MACROD2: variants seen among roughly 807,000 people sequenced by gnomAD.
The protein encoded by MACROD2 is mono-ADP ribosylhydrolase 2, also known as ADP-ribose glycohydrolase MACROD2.
A neutral mutation model predicts 70.4 loss-of-function variants in MACROD2; 36 were observed. That is an observed-to-expected ratio of 0.51 (90% CI 0.39 to 0.68). MACROD2 has a LOEUF of 0.68. MACROD2 is among the 30% of genes least tolerant of loss of function. The probability of loss-of-function intolerance (pLI) is 0.00; values close to 1 mark genes in which losing one functional copy is unlikely to be tolerated. For synonymous variants in MACROD2, 172 were observed against 178.8 expected, an observed-to-expected ratio of 0.96 and a Z score of 0.30; for missense variants, 496 against 538.4, an observed-to-expected ratio of 0.92 and a Z score of 0.78.
intron 5 of MACROD2, among the ~76,000 whole-genome samples, chr20:14,809,316 A>G (rs528474118): frequency 3.0e-4 from 46 of 152,268 alleles, no homozygotes; most frequent in Non-Finnish European, 4.1e-4. Flanking sequence ...AAACTGAACA[A>G]TCTGCTTCTG....
At chr20:14,178,367 A>T (rs1569193044) in intron 3 of MACROD2, among the ~76,000 whole-genome samples, 1 of 143,678 alleles carries the variant, frequency 7.0e-6, no homozygotes, top group African/African-American at 2.6e-5. Flanking sequence ...TTTAAAAATG[A>T]GGAACATATC....
chr20:14,418,305 T>C (rs1439295087), intron 3 of MACROD2, among the ~76,000 whole-genome samples: 1 of 152,202 alleles, frequency 6.6e-6, no homozygotes, highest in South Asian at 2.1e-4. Context: ...AAACTAATGA[T>C]GAAACTAAGA....
At chr20:15,099,164 G>GA (rs942734093) in intron 5 of MACROD2, among the ~76,000 whole-genome samples, 1 of 152,096 alleles carries the variant, frequency 6.6e-6, no homozygotes, top group Non-Finnish European at 1.5e-5. Flanking sequence ...TTGACTGGAG[G>GA]AAAAAATGTT....
chr20:14,487,664 T>C (rs892166274), intron 3 of MACROD2, among the ~76,000 whole-genome samples: 2 of 152,202 alleles, frequency 1.3e-5, no homozygotes, highest in Non-Finnish European at 2.9e-5. Context: ...GTGTCAGGAA[T>C]CATGCATTGT....
chr20:14,641,717 T>A (rs1487713772), intron 4 of MACROD2, among the ~76,000 whole-genome samples: 4 of 152,198 alleles, frequency 2.6e-5, no homozygotes, highest in Admixed American at 6.6e-5. Context: ...AAAATCTTTT[T>A]TTCTGAGCAG....
chr20:15,839,692 A>G (rs891107880), intron 8 of MACROD2, among the ~76,000 whole-genome samples: 8 of 152,180 alleles, frequency 5.3e-5, no homozygotes, highest in Non-Finnish European at 8.8e-5. Flanking sequence ...TATAAGAAGT[A>G]TAATGAAAAT....
At position 14,215,212 on chromosome 20, in the gene MACROD2, A is replaced by T. The variant is rs1363509308; in HGVS notation, c.271+129484A>T. ...TATTCCATCATATATATATTCCATCATATATATATTTTCCATCATATATAT... is the reference window on the plus strand; with the variant it reads ...TATTCCATCATATATATATTCCATCTTATATATATTTTCCATCATATATAT... On this transcript the variant is annotated intron_variant, in intron 3 of 17. Transcript: ENST00000684519. Among the ~76,000 whole-genome samples the T allele has an allele frequency of 2.7e-5, 4 of 150,246 alleles. No homozygotes were observed. In the Admixed American group the frequency reaches 2.7e-4, roughly 10 times the overall value.
chr20:14,683,633 C>G (rs1244154343), intron 4 of MACROD2, among the ~76,000 whole-genome samples: 3 of 152,128 alleles, frequency 2.0e-5, no homozygotes, highest in African/African-American at 7.2e-5. Flanking sequence ...GCAGTGGCAG[C>G]AGAAGTCAAC....
chr20:14,600,702 C>T (rs923854433), intron 4 of MACROD2, among the ~76,000 whole-genome samples: 4 of 152,150 alleles, frequency 2.6e-5, no homozygotes, highest in African/African-American at 9.7e-5. Context: ...AGAGCCAAGG[C>T]ACCTAAACGT....
In MACROD2 at chr20:14,410,753, T is replaced by G. The variant is rs140267521; in HGVS notation, c.272-82726T>G. Among the ~76,000 whole-genome samples, 311 of 152,334 alleles carry G rather than the reference T, an allele frequency of 2.0e-3. 2 individuals carry two copies. The highest frequency in any genetic ancestry group is 7.4e-3 in the African/African-American group (308 of 41,586). ...GCTCCAGTTGTTGATAAATGTAAAC[T>G]GTTTAATAATAAACACTTTATTATC... On this transcript the variant is annotated intron_variant, in intron 3 of 17. Coordinates refer to ENST00000684519, the MANE Select transcript of MACROD2 (RefSeq NM_001351661.2).
chr20:15,445,315 A>G (rs958247340), intron 7 of MACROD2, among the ~76,000 whole-genome samples: 3 of 152,176 alleles, frequency 2.0e-5, no homozygotes, highest in Non-Finnish European at 4.4e-5. Flanking sequence ...ATCATACCAC[A>G]CTTTATACAT....
chr20:14,885,290 A>T (rs1411949537), intron 5 of MACROD2, among the ~76,000 whole-genome samples: 3 of 152,146 alleles, frequency 2.0e-5, no homozygotes, highest in African/African-American at 7.2e-5. Flanking sequence ...CCACCCTAGA[A>T]ATACATGTAA....
intron 4 of MACROD2, among the ~76,000 whole-genome samples, chr20:14,545,129 AGGG>A (rs2085477867): frequency 6.6e-6 from 1 of 152,194 alleles, no homozygotes; most frequent in Non-Finnish European, 1.5e-5. Flanking sequence ...GATTAAATGT[AGGG>A]AGAAGCCTGT....
chr20:15,624,971 T>C (rs576256705), intron 8 of MACROD2, among the ~76,000 whole-genome samples: 1 of 152,330 alleles, frequency 6.6e-6, no homozygotes, highest in South Asian at 2.1e-4. Flanking sequence ...GAAGTCTTTT[T>C]GGTATGGTTC....
intron 6 of MACROD2, among the ~76,000 whole-genome samples, chr20:15,317,010 A>G (rs539420033): frequency 1.4e-4 from 21 of 152,220 alleles, no homozygotes; most frequent in African/African-American, 5.1e-4. Context: ...CTAAACATGA[A>G]TGAAAATAAA....
At chr20:14,981,525 A>G (rs1333456928) in intron 5 of MACROD2, among the ~76,000 whole-genome samples, 1 of 151,164 alleles carries the variant, frequency 6.6e-6, no homozygotes, top group Non-Finnish European at 1.5e-5. Context: ...CTCAAATCTC[A>G]TTTTAAATTC....
At chr20:15,699,580 A>G (rs1176733997) in intron 8 of MACROD2, among the ~76,000 whole-genome samples, 1 of 152,078 alleles carries the variant, frequency 6.6e-6, no homozygotes, top group African/African-American at 2.4e-5. Flanking sequence ...CTTTCCAGAA[A>G]GCATCAGAGC....
At chr20:14,540,933 T>C (rs140601779) in intron 4 of MACROD2, among the ~76,000 whole-genome samples, 2 of 152,350 alleles carry the variant, frequency 1.3e-5, no homozygotes, top group East Asian at 1.9e-4. Flanking sequence ...ATGAAAATGG[T>C]CTGCCAACTG....
At chr20:14,220,923 G>A (rs2081667707) in intron 3 of MACROD2, among the ~76,000 whole-genome samples, 1 of 152,080 alleles carries the variant, frequency 6.6e-6, no homozygotes, top group Admixed American at 6.5e-5. Flanking sequence ...AGGGTCTGTG[G>A]GTCCTCTCAG....
Sources: allele counts gnomAD v4.1 joint callset (sites outside exome capture counted in the v4.1 genomes callset), GRCh38; gene constraint gnomAD v4.1.1; transcripts MANE v1.5; gene names NCBI Gene and HGNC (gene_info 2026-07-23, HGNC 2026-07-21).